The following P2RY11 variants were observed in gnomAD, a reference collection of about 807,000 sequenced individuals.
P2RY11 encodes the protein P2Y purinoceptor 11.
Under a neutral mutation model 2.4 loss-of-function variants are expected in P2RY11, and 3 were observed. That is an observed-to-expected ratio of 1.22 (90% confidence interval 0.56 to 3.17). The LOEUF is 3.17. Among genes scored for constraint, P2RY11 ranks in the 30% most tolerant of loss-of-function variants. P2RY11 has a pLI of 0.03. For missense variants in P2RY11, 670 were observed against 528.2 expected (o/e 1.27, Z -2.63); for synonymous variants, 307 against 237.3 (o/e 1.29, Z -2.70).
At chr19:10,112,924 G>A (rs1027819372) in intron 1 of P2RY11, among the ~76,000 whole-genome samples, 3 of 152,028 alleles carry the variant, frequency 2.0e-5, no homozygotes, top group Non-Finnish European at 4.4e-5. Flanking sequence ...CCTGGGTGAT[G>A]AGAGTGAGAC....
Position 10,114,810 on chromosome 19 carries a change from GAC to G in P2RY11, c.*76_*77del. The G allele has an allele frequency of 6.5e-7, 1 of 1,528,746 alleles. No homozygotes were observed. The highest frequency in any genetic ancestry group is 8.8e-7 in the Non-Finnish European group (1 of 1,140,602). 94.7% of individuals were successfully genotyped at this position (1,528,746 alleles called of 1,614,324 possible). A position where few individuals can be genotyped will look rare whatever the true frequency, so the allele number is the denominator to read the frequency against. On this transcript the variant is annotated 3_prime_UTR_variant, in exon 2 of 2. Coordinates refer to ENST00000321826, the MANE Select transcript of P2RY11 (RefSeq NM_002566.5). ...ACCCTGAGGGCAGGGCCCGAGCCCC[GAC>G]ACATCCCTTCCCCCAAAAAGCAACA...
intron 1 of P2RY11, 33 bp from the exon 2 acceptor site, chr19:10,113,600 T>C: frequency 4.4e-6 from 7 of 1,587,274 alleles, no homozygotes; most frequent in Non-Finnish European, 6.0e-6. Flanking sequence ...TATGGGGGAA[T>C]AGGGCTCAGC....
rs762455730 is a variant in P2RY11 at position 10,114,687 on chromosome 19, C to T, written c.1074C>T (p.Ala358=). ...CTGGCCAAGCCCTGCCCCTCAATGC[C>T]ACAGCCGCCCCTAAACCGTCAGAGC... ...KSTGQALPLN[A]TAAPKPSEPQ... is the part of the protein sequence containing the mutation. The change falls in exon 2 of 2, where the codon GCC becomes GCT. Residue 358 remains alanine (A), a synonymous_variant. Coordinates refer to ENST00000321826, the MANE Select transcript of P2RY11 (RefSeq NM_002566.5). 3.7e-6 allele frequency: 6 copies of T among 1,613,268 alleles called. No homozygotes were observed. The highest frequency in any genetic ancestry group is 2.2e-5 in the East Asian group (1 of 44,836).
intron 1 of P2RY11, 105 bp from the exon 2 acceptor site, chr19:10,113,528 A>G: frequency 2.0e-6 from 3 of 1,490,472 alleles, no homozygotes; most frequent in Non-Finnish European, 2.7e-6. Context: ...GAGGGGAAAG[A>G]ACTCGTGTCC....
At position 10,115,092 on chromosome 19, in the gene P2RY11, C is replaced by A. The variant is rs201130706; in HGVS notation, c.*354C>A. ...TCTTCTGTCGCCAAGGGTCCCGGACCGAGTACACAGTGGCAGCTGGCTTAG... is the reference window on the plus strand; with the variant it reads ...TCTTCTGTCGCCAAGGGTCCCGGACAGAGTACACAGTGGCAGCTGGCTTAG... On this transcript the variant is annotated 3_prime_UTR_variant, in exon 2 of 2. Coordinates refer to ENST00000321826, the MANE Select transcript of P2RY11 (RefSeq NM_002566.5). 2.8e-4 allele frequency: 447 copies of A among 1,613,810 alleles called. 2 individuals are homozygous for A. The highest frequency in any genetic ancestry group is 5.4e-5 in the Non-Finnish European group (64 of 1,180,000).
Position 10,114,971 on chromosome 19 carries a change from C to A in P2RY11, c.*233C>A. 1 of 1,433,814 alleles carries A rather than the reference C, an allele frequency of 7.0e-7. No individual in the cohort carries two copies. Among genetic ancestry groups the A allele is most frequent in the Non-Finnish European group, 9.6e-7 (1 of 1,042,752 alleles). 88.8% of individuals were successfully genotyped at this position (1,433,814 alleles called of 1,614,324 possible). On this transcript the variant is annotated 3_prime_UTR_variant, in exon 2 of 2. Coordinates refer to ENST00000321826, the MANE Select transcript of P2RY11 (RefSeq NM_002566.5). ...ACGCCCAGAGGAGGGGAGGCACTGG[C>A]CCCCGCCACAGGACTGGAGACGCAA...
Position 10,115,336 on chromosome 19 carries a change from T to G in P2RY11, c.*598T>G, listed in dbSNP as rs1332814328. On this transcript the variant is annotated 3_prime_UTR_variant, in exon 2 of 2. Transcript: ENST00000321826. ...GAGCTGCCACCCCTCTGCCCGGTTT[T>G]GGAAAAAAACAATAAAGGACTGTCC... The G allele has an allele frequency of 8.5e-7, 1 of 1,172,620 alleles. No homozygotes were observed. The highest frequency in any genetic ancestry group is 1.2e-6 in the Non-Finnish European group (1 of 843,382). 72.6% of individuals were successfully genotyped at this position (1,172,620 alleles called of 1,614,324 possible).
In P2RY11 at chr19:10,115,277, C is replaced by T. The variant is rs1568493834; in HGVS notation, c.*539C>T. 2 of 1,194,534 alleles carry T rather than the reference C, an allele frequency of 1.7e-6. No individual in the cohort carries two copies. The highest frequency in any genetic ancestry group is 2.3e-6 in the Non-Finnish European group (2 of 858,664). 74.0% of individuals were successfully genotyped at this position (1,194,534 alleles called of 1,614,324 possible). A position where few individuals can be genotyped will look rare whatever the true frequency, so the allele number is the denominator to read the frequency against. The stretch of plus-strand genomic sequence containing the variant: ...GGAGCCAGATGGCCAGTCTCCAGGC[C>T]TGGTCCACGGACTGGCAGGGACCCC... On this transcript the variant is annotated 3_prime_UTR_variant, in exon 2 of 2. Coordinates refer to ENST00000321826, the MANE Select transcript of P2RY11 (RefSeq NM_002566.5).
At chr19:10,112,447 C>T (rs1286966040) in intron 1 of P2RY11, 1 of 152,418 alleles carries the variant, frequency 6.6e-6, no homozygotes, top group Non-Finnish European at 1.5e-5. Flanking sequence ...GCACTGGCAC[C>T]AGTAATGGGT....
chr19:10,115,296 G>A lies in P2RY11; in HGVS notation c.*558G>A. Reference sequence around the variant, plus strand: ...CCAGGCCTGGTCCACGGACTGGCAGGGACCCCAGGCACAAGAGCTGCCACC... The same window carrying A: ...CCAGGCCTGGTCCACGGACTGGCAGAGACCCCAGGCACAAGAGCTGCCACC... On this transcript the variant is annotated 3_prime_UTR_variant, in exon 2 of 2. Transcript: ENST00000321826. 2 of 1,123,470 alleles carry A rather than the reference G, an allele frequency of 1.8e-6. No individual in the cohort carries two copies. The highest frequency in any genetic ancestry group is 2.6e-5 in the East Asian group (1 of 38,888). 69.6% of individuals were successfully genotyped at this position (1,123,470 alleles called of 1,614,324 possible).
chr19:10,114,764 CA>C lies in P2RY11; in HGVS notation c.*27del. ...TGTGGCCTAGCGGAAGCTGCCTCCT[CA>C]CCCTAGGTGTTGCTGGAGAACCCTG... On this transcript the variant is annotated 3_prime_UTR_variant, in exon 2 of 2. Coordinates refer to ENST00000321826, the MANE Select transcript of P2RY11 (RefSeq NM_002566.5). 1 of 1,577,898 alleles carries C rather than the reference CA, an allele frequency of 6.3e-7. No homozygotes were observed. Among genetic ancestry groups the C allele is most frequent in the South Asian group, 1.2e-5 (1 of 86,368 alleles).
At position 10,114,693 on chromosome 19, in the gene P2RY11, C is replaced by T. The variant is rs367750129; in HGVS notation, c.1080C>T (p.Ala360=). 2.0e-5 allele frequency: 32 copies of T among 1,612,562 alleles called. No homozygotes were observed. In the African/African-American group the frequency reaches 2.3e-4, roughly 11 times the overall value. The change falls in exon 2 of 2, where the codon GCC becomes GCT. Residue 360 remains alanine (A), a synonymous_variant. Coordinates refer to ENST00000321826, the MANE Select transcript of P2RY11 (RefSeq NM_002566.5). ...TGQALPLNAT[A]APKPSEPQSR... is the part of the protein sequence containing the mutation. ...AAGCCCTGCCCCTCAATGCCACAGC[C>T]GCCCCTAAACCGTCAGAGCCCCAGT...
chr19:10,114,374 T>C lies in P2RY11; in HGVS notation c.761T>C (p.Val254Ala), dbSNP rs1236818599. 4 of 1,607,148 alleles carry C rather than the reference T, an allele frequency of 2.5e-6. No homozygotes were observed. The highest frequency in any genetic ancestry group is 1.7e-5 in the Admixed American group (1 of 60,018). The stretch of plus-strand genomic sequence containing the variant: ...GTGGCAGCGTTGGTGGCCAGTGGTG[T>C]GGCCCTCTACGCCAGCTCCTATGTG... The part of the protein sequence containing the change: ...LRVAALVASG[V>A]ALYASSYVPY... The change falls in exon 2 of 2, where the codon GTG becomes GCG. Residue 254 changes from valine to alanine, a missense_variant. Coordinates refer to ENST00000321826, the MANE Select transcript of P2RY11 (RefSeq NM_002566.5).
Position 10,114,243 on chromosome 19 carries a change from G to A in P2RY11, c.630G>A (p.Ala210=), listed in dbSNP as rs370567688. The change falls in exon 2 of 2, where the codon GCG becomes GCA. Residue 210 remains alanine, a synonymous_variant. Transcript: ENST00000321826. ...AAYRAYSLVL[A]GLGCGLPLLL... is the part of the protein sequence containing the mutation. ...ACAGAGCGTATAGCCTGGTGCTGGC[G>A]GGGTTGGGCTGCGGCCTGCCGCTGC... 65 of 1,599,048 alleles carry A rather than the reference G, an allele frequency of 4.1e-5. 1 individual carries two copies. The highest frequency in any genetic ancestry group is 3.0e-4 in the South Asian group (27 of 91,050).
Position 10,115,330 on chromosome 19 carries a change from C to A in P2RY11, c.*592C>A. 2 of 1,144,950 alleles carry A rather than the reference C, an allele frequency of 1.7e-6. No individual in the cohort carries two copies. The highest frequency in any genetic ancestry group is 2.4e-6 in the Non-Finnish European group (2 of 820,134). 70.9% of individuals were successfully genotyped at this position (1,144,950 alleles called of 1,614,324 possible). On this transcript the variant is annotated 3_prime_UTR_variant, in exon 2 of 2. Transcript: ENST00000321826. ...GCACAAGAGCTGCCACCCCTCTGCCCGGTTTTGGAAAAAAACAATAAAGGA... is the reference window on the plus strand; with the variant it reads ...GCACAAGAGCTGCCACCCCTCTGCCAGGTTTTGGAAAAAAACAATAAAGGA...
In P2RY11 at chr19:10,115,027, G is replaced by C; in HGVS notation, c.*289G>C. The C allele has an allele frequency of 6.3e-7, 1 of 1,579,464 alleles. No homozygotes were observed. Among genetic ancestry groups the C allele is most frequent in the Non-Finnish European group, 8.7e-7 (1 of 1,155,130 alleles). On this transcript the variant is annotated 3_prime_UTR_variant, in exon 2 of 2. Transcript: ENST00000321826. ...AAAAGAACCAAGTAGAGAGAGTGGAGCTGCTTTATTGCCCTTGGAGCCCGC... is the reference window on the plus strand; with the variant it reads ...AAAAGAACCAAGTAGAGAGAGTGGACCTGCTTTATTGCCCTTGGAGCCCGC...
chr19:10,115,020 G>A lies in P2RY11; in HGVS notation c.*282G>A. The A allele has an allele frequency of 1.3e-6, 2 of 1,566,962 alleles. No homozygotes were observed. Among genetic ancestry groups the A allele is most frequent in the Non-Finnish European group, 1.7e-6 (2 of 1,145,462 alleles). On this transcript the variant is annotated 3_prime_UTR_variant, in exon 2 of 2. Coordinates refer to ENST00000321826, the MANE Select transcript of P2RY11 (RefSeq NM_002566.5). ...AAGAACAAAAAGAACCAAGTAGAGA[G>A]AGTGGAGCTGCTTTATTGCCCTTGG...
At position 10,114,294 on chromosome 19, in the gene P2RY11, C is replaced by T. The variant is rs762368256; in HGVS notation, c.681C>T (p.Ala227=). The T allele has an allele frequency of 5.1e-5, 81 of 1,597,806 alleles. No homozygotes were observed. Among genetic ancestry groups the T allele is most frequent in the Non-Finnish European group, 6.0e-5 (71 of 1,178,460 alleles). Residue 227 remains alanine, a synonymous_variant, in exon 2 of 2, where the codon GCC becomes GCT. Transcript: ENST00000321826. ...PLLLTLAAYG[A]LGRAVLRSPG... ...TGCTCACGCTGGCAGCCTACGGCGC[C>T]CTCGGGCGGGCCGTGCTACGCAGCC...
intron 1 of P2RY11, among the ~76,000 whole-genome samples, chr19:10,113,240 CAG>C (rs1488525898): frequency 6.6e-6 from 1 of 152,128 alleles, no homozygotes; most frequent in African/African-American, 2.4e-5. Flanking sequence ...GTGCCAAGGT[CAG>C]GGCAGAGTGG....
Sources: gnomAD v4.1 joint callset for allele counts (sites outside exome capture counted in the v4.1 genomes callset) on GRCh38, gnomAD v4.1.1 for gene constraint, MANE v1.5 for transcripts, NCBI Gene and HGNC (gene_info 2026-07-23, HGNC 2026-07-21) for gene names.